The following ATMIN variants were observed in gnomAD, a reference collection of about 807,000 sequenced individuals.
The protein encoded by ATMIN is ATM INteracting protein.
A neutral mutation model predicts 49.2 loss-of-function variants in ATMIN; 24 were observed. That is an observed-to-expected ratio of 0.49 (90% CI 0.35 to 0.69). ATMIN has a LOEUF of 0.69. ATMIN is among the 30% of genes least tolerant of loss of function. The pLI is 0.00. For missense variants in ATMIN, 1,037 were observed against 1,005.5 expected (o/e 1.03, Z -0.42); for synonymous variants, 450 against 392.5 (o/e 1.15, Z -1.73).
chr16:81,037,321 A>G (rs768876180), intron 1 of ATMIN: 187 of 985,350 alleles, frequency 1.9e-4, no homozygotes, highest in Non-Finnish European at 2.2e-4. Flanking sequence ...CAGGCTTCTG[A>G]TAAGAATTTC....
At chr16:81,041,202 C>A in intron 1 of ATMIN, 154 bp from the exon 2 acceptor site, 1 of 766,494 alleles carries the variant, frequency 1.3e-6, no homozygotes, top group African/African-American at 1.8e-5. Flanking sequence ...TTAATCTACT[C>A]ATACTCTTTT....
intron 1 of ATMIN, among the ~76,000 whole-genome samples, chr16:81,038,159 C>G (rs576296786): frequency 1.3e-5 from 2 of 151,970 alleles, no homozygotes; most frequent in East Asian, 2.0e-4. Flanking sequence ...GAGACAGAGT[C>G]TCACTCTGTC....
rs756663839 is a variant in ATMIN at position 81,044,013 on chromosome 16, T to C, written c.1515T>C (p.His505=). 3.1e-6 allele frequency: 5 copies of C among 1,614,220 alleles called. No individual in the cohort carries two copies. Among genetic ancestry groups the C allele is most frequent in the East Asian group, 2.2e-5 (1 of 44,884 alleles). ...TSGIESPTDD[H]VQMDQAGMCG... Reference sequence around the variant, plus strand: ...GGATAGAAAGTCCAACGGATGACCATGTACAGATGGACCAAGCTGGAATGT... The same window carrying C: ...GGATAGAAAGTCCAACGGATGACCACGTACAGATGGACCAAGCTGGAATGT... Residue 505 remains histidine (H), a synonymous_variant, in exon 4 of 4, where the codon CAT becomes CAC. Transcript: ENST00000299575.
intron 1 of ATMIN, among the ~76,000 whole-genome samples, chr16:81,036,650 A>G (rs962995264): frequency 3.3e-5 from 5 of 152,204 alleles, no homozygotes; most frequent in Admixed American, 6.5e-5. Context: ...TGTGCTTGCC[A>G]CGACACCCAC....
rs1468963127 is a variant in ATMIN at position 81,042,424 on chromosome 16, A to T, written c.606A>T (p.Arg202Ser). 6.2e-7 allele frequency: 1 copy of T among 1,614,074 alleles called. No homozygotes were observed. The highest frequency in any genetic ancestry group is 1.7e-5 in the Admixed American group (1 of 59,994). Residue 202 changes from arginine to serine, a missense_variant, in exon 3 of 4, where the codon AGA (arginine) becomes AGT (serine). Coordinates refer to ENST00000299575, the MANE Select transcript of ATMIN (RefSeq NM_015251.3). ...RCTCGCPYAS[R>S]TALQSHIYRT... ...CATGCGGCTGTCCCTACGCCAGTAG[A>T]ACAGCACTGCAGTCTCACATCTACC... is the stretch of plus-strand genomic sequence containing the variant.
At chr16:81,038,276 GCA>G (rs2151737502) in intron 1 of ATMIN, among the ~76,000 whole-genome samples, 1 of 151,902 alleles carries the variant, frequency 6.6e-6, no homozygotes, top group Admixed American at 6.6e-5. Flanking sequence ...GATTACAGGT[GCA>G]TACCACCACG....
chr16:81,037,315 C>G (rs1014089620), intron 1 of ATMIN: 7 of 985,350 alleles, frequency 7.1e-6, no homozygotes, highest in Non-Finnish European at 8.4e-6. Context: ...CATAGTCAGG[C>G]TTCTGATAAG....
intron 3 of ATMIN, among the ~76,000 whole-genome samples, 174 bp from the exon 4 acceptor site, chr16:81,042,987 C>T (rs971259377): frequency 6.6e-6 from 1 of 152,098 alleles, no homozygotes; most frequent in Non-Finnish European, 1.5e-5. Context: ...TCAAAGTTCA[C>T]CTGCTATAAT....
intron 1 of ATMIN, 52 bp downstream of exon 1, chr16:81,036,258 G>T (rs1970929618): frequency 1.7e-6 from 2 of 1,194,878 alleles, no homozygotes; most frequent in East Asian, 4.1e-5. Flanking sequence ...CTCCAACAAA[G>T]CGCCCGGCGC....
In ATMIN at chr16:81,043,363, A is replaced by C; in HGVS notation, c.865A>C (p.Arg289=). 2 of 1,614,026 alleles carry C rather than the reference A, an allele frequency of 1.2e-6. No homozygotes were observed. The highest frequency in any genetic ancestry group is 1.7e-6 in the Non-Finnish European group (2 of 1,179,988). ...TDKQTLTTPP[R]YPQKLLLPKP... Reference sequence around the variant, plus strand: ...CAAGCAGACTCTTACAACACCACCGAGATATCCTCAGAAGTTGCTTTTACC... The same window carrying C: ...CAAGCAGACTCTTACAACACCACCGCGATATCCTCAGAAGTTGCTTTTACC... The change falls in exon 4 of 4, where the codon AGA becomes CGA. Residue 289 remains arginine (R), a synonymous_variant. Coordinates refer to ENST00000299575, the MANE Select transcript of ATMIN (RefSeq NM_015251.3).
rs763137745 is a variant in ATMIN at position 81,044,826 on chromosome 16, G to C, written c.2328G>C (p.Gly776=). The C allele has an allele frequency of 6.2e-7, 1 of 1,614,080 alleles. No homozygotes were observed. Among genetic ancestry groups the C allele is most frequent in the South Asian group, 1.1e-5 (1 of 91,090 alleles). The change falls in exon 4 of 4, where the codon GGG becomes GGC. Residue 776 remains glycine, a synonymous_variant. Transcript: ENST00000299575. ...TGAGTTCTGGGTTTGAAACCCTGGG[G>C]AGCTTGTTCTTCACCAGCAACGAAA... ...QTMSSGFETL[G]SLFFTSNETQ...
In ATMIN at chr16:81,035,915, G is replaced by T; in HGVS notation, c.45G>T (p.Leu15=). ...CGGCGGCGGCGGGGTCCGCGGCTCT[G>T]GCGGCGGGTGCCCGGGCCGTCCCGG... ...EAAAAAGSAA[L]AAGARAVPAA... is the part of the protein sequence containing the mutation. The change falls in exon 1 of 4, where the codon CTG becomes CTT. Residue 15 remains leucine, a synonymous_variant. Coordinates refer to ENST00000299575, the MANE Select transcript of ATMIN (RefSeq NM_015251.3). The T allele has an allele frequency of 1.0e-6, 1 of 988,030 alleles. No individual in the cohort carries two copies. The highest frequency in any genetic ancestry group is 1.1e-4 in the East Asian group (1 of 8,880). 61.2% of individuals were successfully genotyped at this position (988,030 alleles called of 1,614,324 possible).
chr16:81,044,093 T>A lies in ATMIN; in HGVS notation c.1595T>A (p.Ile532Asn), dbSNP rs375774082. 24 of 1,614,144 alleles carry A rather than the reference T, an allele frequency of 1.5e-5. No individual in the cohort carries two copies. Among genetic ancestry groups the A allele is most frequent in the Non-Finnish European group, 1.7e-5 (20 of 1,180,002 alleles). ...HSSYNVATGN[I>N]ISNSLVAETV... ...TCATATAATGTTGCTACAGGTAACA[T>A]TATAAGCAACAGTTTAGTAGCAGAG... Residue 532 changes from isoleucine to asparagine, a missense_variant, in exon 4 of 4, where the codon ATT (isoleucine) becomes AAT (asparagine). Ile to Asn is a moderately radical substitution (Grantham distance 149). Coordinates refer to ENST00000299575, the MANE Select transcript of ATMIN (RefSeq NM_015251.3).
rs1451984801 is a variant in ATMIN, at chr16:81,046,214, A to G, written c.*1244A>G. ...CTGAGTTTTGTCACTCTAAAATTAA[A>G]CAAGAAAAAAAGTGGGAAAAGGGCA... On this transcript the variant is annotated 3_prime_UTR_variant, in exon 4 of 4. Coordinates refer to ENST00000299575, the MANE Select transcript of ATMIN (RefSeq NM_015251.3). 1 of 151,390 alleles carries G rather than the reference A, an allele frequency of 6.6e-6. No individual in the cohort carries two copies. Among genetic ancestry groups the G allele is most frequent in the African/African-American group, 2.5e-5 (1 of 40,712 alleles). 9.4% of individuals were successfully genotyped at this position (151,390 alleles called of 1,614,324 possible). A position where few individuals can be genotyped will look rare whatever the true frequency, so the allele number is the denominator to read the frequency against.
At chr16:81,036,407 G>C (rs1018461867) in intron 1 of ATMIN, among the ~76,000 whole-genome samples, 2 of 152,026 alleles carry the variant, frequency 1.3e-5, no homozygotes, top group Non-Finnish European at 2.9e-5. Context: ...CTCTGGGGGG[G>C]AGGAGGAGCT....
intron 1 of ATMIN, chr16:81,041,130 C>A: frequency 2.2e-6 from 1 of 455,224 alleles, no homozygotes; most frequent in Non-Finnish European, 4.0e-6. Flanking sequence ...AAGAGGAATT[C>A]AGTAATGGTC....
chr16:81,036,809 T>G (rs981179560), intron 1 of ATMIN, among the ~76,000 whole-genome samples: 1 of 152,148 alleles, frequency 6.6e-6, no homozygotes. Context: ...AATGTATATG[T>G]CCATCCATGC....
rs148736718 is a variant in ATMIN at position 81,044,638 on chromosome 16, A to G, written c.2140A>G (p.Ser714Gly). 6.2e-7 allele frequency: 1 copy of G among 1,614,126 alleles called. No homozygotes were observed. The highest frequency in any genetic ancestry group is 1.3e-5 in the African/African-American group (1 of 74,942). ...GACAGACTTAAACTTTTTCTTAGACAGTAGCCCTCATCTGCCTCTGGGAAG... is the reference window on the plus strand; with the variant it reads ...GACAGACTTAAACTTTTTCTTAGACGGTAGCCCTCATCTGCCTCTGGGAAG... ...TQTDLNFFLD[S>G]SPHLPLGSIL... The change falls in exon 4 of 4, where the codon AGT (serine) becomes GGT (glycine). Residue 714 changes from serine (S) to glycine (G), a missense_variant. By Grantham distance (56) the Ser-to-Gly change is moderately conservative (BLOSUM62 0). Transcript: ENST00000299575.
rs551061637 is a variant in ATMIN, at chr16:81,046,239, A to G, written c.*1269A>G. The G allele has an allele frequency of 4.6e-5, 7 of 152,314 alleles. No individual in the cohort carries two copies. The highest frequency in any genetic ancestry group is 1.4e-4 in the African/African-American group (6 of 41,576). 9.4% of individuals were successfully genotyped at this position (152,314 alleles called of 1,614,324 possible). ...ACAAGAAAAAAAGTGGGAAAAGGGC[A>G]TCCCCCATTAGGTTTCAATACTTTG... On this transcript the variant is annotated 3_prime_UTR_variant, in exon 4 of 4. Coordinates refer to ENST00000299575, the MANE Select transcript of ATMIN (RefSeq NM_015251.3).
Sources: gnomAD v4.1 joint callset for allele counts (sites outside exome capture counted in the v4.1 genomes callset) on GRCh38, gnomAD v4.1.1 for gene constraint, MANE v1.5 for transcripts, NCBI Gene and HGNC (gene_info 2026-07-23, HGNC 2026-07-21) for gene names.